The following CLEC16A variants were observed in gnomAD, a reference collection of about 807,000 sequenced individuals.
CLEC16A encodes the protein protein CLEC16A.
A neutral mutation model predicts 109.5 loss-of-function variants in CLEC16A; 51 were observed. That is an observed-to-expected ratio of 0.47 (90% CI 0.37 to 0.59). The LOEUF is 0.59. Among genes scored for constraint, CLEC16A ranks in the 20% least tolerant of loss-of-function variants. The probability of loss-of-function intolerance (pLI) is 0.00; values close to 1 mark genes in which losing one functional copy is unlikely to be tolerated. For synonymous variants in CLEC16A, 673 were observed against 564.2 expected (o/e 1.19, Z -2.73); for missense variants, 1,339 against 1,394.0 (o/e 0.96, Z 0.63).
intron 22 of CLEC16A, among the ~76,000 whole-genome samples, chr16:11,166,015 C>A (rs575135606): frequency 9.9e-5 from 15 of 152,276 alleles, no homozygotes; most frequent in African/African-American, 3.6e-4. Flanking sequence ...CAGCAGAAGC[C>A]TGAGACTCTA....
intron 19 of CLEC16A, among the ~76,000 whole-genome samples, chr16:11,110,248 G>C (rs1466634734): frequency 6.6e-6 from 1 of 152,216 alleles, no homozygotes; most frequent in African/African-American, 2.4e-5. Context: ...ACCCCCTCCA[G>C]AGGGTACAGC....
chr16:11,027,396 C>A, intron 13 of CLEC16A: 1 of 1,415,624 alleles, frequency 7.1e-7, no homozygotes, highest in Non-Finnish European at 9.9e-7. Context: ...AAAAGTCACC[C>A]CCCAGAATCT....
chr16:11,091,133 C>T, intron 19 of CLEC16A, among the ~76,000 whole-genome samples: 1 of 152,234 alleles, frequency 6.6e-6, no homozygotes, highest in East Asian at 1.9e-4. Flanking sequence ...AATCTCCTTT[C>T]TCCATAAAGA....
At chr16:11,161,541 C>T (rs1277777231) in intron 22 of CLEC16A, among the ~76,000 whole-genome samples, 2 of 151,982 alleles carry the variant, frequency 1.3e-5, no homozygotes, top group African/African-American at 2.4e-5. Flanking sequence ...CTCCTATGCA[C>T]ACCCAGTGAT....
intron 10 of CLEC16A, among the ~76,000 whole-genome samples, chr16:10,990,502 C>A (rs930833379): frequency 6.6e-6 from 1 of 152,192 alleles, no homozygotes; most frequent in Non-Finnish European, 1.5e-5. Context: ...GTGACTGTGA[C>A]CAAAGGCCCG....
chr16:11,122,943 G>T (rs1287233216), intron 20 of CLEC16A, among the ~76,000 whole-genome samples: 1 of 103,316 alleles, frequency 9.7e-6, no homozygotes, highest in African/African-American at 3.9e-5. Flanking sequence ...TCATTCTGTT[G>T]CCCGGGCTGG....
intron 23 of CLEC16A, among the ~76,000 whole-genome samples, chr16:11,175,272 C>G (rs1037862308): frequency 1.8e-4 from 27 of 152,242 alleles, no homozygotes; most frequent in Admixed American, 1.7e-3. Flanking sequence ...GCCACAGCCA[C>G]GGGATGTCTG....
chr16:11,044,224 A>T (rs959800312), intron 16 of CLEC16A, 152 bp downstream of exon 16: 21 of 578,262 alleles, frequency 3.6e-5, no homozygotes, highest in Middle Eastern at 2.9e-4. Context: ...CATAGTCCCT[A>T]GAGTAGCAAT....
chr16:10,979,162 G>A (rs930765517), intron 8 of CLEC16A, among the ~76,000 whole-genome samples, 167 bp from the exon 9 acceptor site: 6 of 152,158 alleles, frequency 3.9e-5, no homozygotes, highest in African/African-American at 1.2e-4. Flanking sequence ...GGGATTTTGC[G>A]GAGTGGACTT....
At chr16:11,030,117 A>G (rs1316228746) in intron 13 of CLEC16A, among the ~76,000 whole-genome samples, 1 of 152,228 alleles carries the variant, frequency 6.6e-6, no homozygotes, top group Non-Finnish European at 1.5e-5. Context: ...CAGTTTATTC[A>G]TTCATCTGTT....
At chr16:10,999,291 G>A (rs1009338350) in intron 10 of CLEC16A, among the ~76,000 whole-genome samples, 1 of 152,052 alleles carries the variant, frequency 6.6e-6, no homozygotes, top group African/African-American at 2.4e-5. Context: ...AAACCAAAAG[G>A]TATAAAATAA....
chr16:11,031,164 G>T (rs1245483160), intron 13 of CLEC16A, among the ~76,000 whole-genome samples: 2 of 152,194 alleles, frequency 1.3e-5, no homozygotes, highest in Admixed American at 6.5e-5. Context: ...CTGGCACTCA[G>T]TCAGTGCTCA....
intron 23 of CLEC16A, among the ~76,000 whole-genome samples, chr16:11,172,156 TCA>T (rs1242294181): frequency 6.6e-6 from 1 of 151,752 alleles, no homozygotes; most frequent in Non-Finnish European, 1.5e-5. Flanking sequence ...CTGCACATGC[TCA>T]CACAGTCACA....
intron 16 of CLEC16A, among the ~76,000 whole-genome samples, chr16:11,045,275 G>A (rs1041939591): frequency 6.6e-6 from 1 of 152,176 alleles, no homozygotes; most frequent in African/African-American, 2.4e-5. Flanking sequence ...ATGAACTGGG[G>A]AGGCAAAGCT....
chr16:11,059,893 T>A (rs1278632433), intron 18 of CLEC16A, among the ~76,000 whole-genome samples: 1 of 152,202 alleles, frequency 6.6e-6, no homozygotes, highest in South Asian at 2.1e-4. Flanking sequence ...GTAGACCTCA[T>A]GTGTCTGACT....
At chr16:11,065,377 G>GCATGTGCTA in intron 19 of CLEC16A, among the ~76,000 whole-genome samples, 1 of 152,354 alleles carries the variant, frequency 6.6e-6, no homozygotes, top group Non-Finnish European at 1.5e-5. Context: ...TGCAGCCATA[G>GCATGTGCTA]CATGTGCTAC....
chr16:10,967,664 A>G (rs1313786974), intron 3 of CLEC16A, among the ~76,000 whole-genome samples: 1 of 152,176 alleles, frequency 6.6e-6, no homozygotes, highest in Non-Finnish European at 1.5e-5. Flanking sequence ...GACTACTACT[A>G]CTGTCCTGAG....
At chr16:11,026,928 C>A (rs568072817) in intron 13 of CLEC16A, 216 of 1,060,300 alleles carry the variant, frequency 2.0e-4, no homozygotes, top group Middle Eastern at 1.8e-3. Flanking sequence ...CCAGCGTGAG[C>A]TAGAACAGAC....
At chr16:10,964,750 A>G (rs2146176236) in intron 3 of CLEC16A, among the ~76,000 whole-genome samples, 1 of 152,192 alleles carries the variant, frequency 6.6e-6, no homozygotes, top group East Asian at 1.9e-4. Context: ...TAAAAATTGT[A>G]TATATTTAAT....
Sources: gnomAD v4.1 joint callset for allele counts (sites outside exome capture counted in the v4.1 genomes callset) on GRCh38, gnomAD v4.1.1 for gene constraint, MANE v1.5 for transcripts, NCBI Gene and HGNC (gene_info 2026-07-23, HGNC 2026-07-21) for gene names.